Variants in KAZN observed in about 807,000 individuals in gnomAD.
KAZN encodes kazrin, periplakin interacting protein.
A neutral mutation model predicts 87.4 loss-of-function variants in KAZN; 40 were observed. That is an observed-to-expected ratio of 0.46 (90% CI 0.36 to 0.60). The LOEUF (loss-of-function observed/expected upper bound fraction) is 0.60. Ranked by LOEUF, KAZN falls within the 20% of genes least tolerant of loss-of-function variation. KAZN has a pLI of 0.00. For missense variants in KAZN, 898 were observed against 1,073.9 expected, an observed-to-expected ratio of 0.84 and a Z score of 2.29; for synonymous variants, 466 against 458.3, an observed-to-expected ratio of 1.02 and a Z score of -0.22.
At chr1:14,294,526 T>C (rs1653968265) in intron 2 of KAZN, among the ~76,000 whole-genome samples, 2 of 151,372 alleles carry the variant, frequency 1.3e-5, no homozygotes, top group South Asian at 4.2e-4. Flanking sequence ...ATCAGAGAGG[T>C]TTTGTGACTT....
Position 15,079,449 on chromosome 1 carries a change from A to ATT in KAZN, c.1222+13706_1222+13707dup, listed in dbSNP as rs1013634419. 3.4e-5 allele frequency among the ~76,000 whole-genome samples: 5 copies of ATT among 147,750 alleles called. No homozygotes were observed. In the East Asian group the frequency reaches 9.8e-4, roughly 29 times the overall value. ...TGTCACAATTCAATACTGTTGGCTT[A>ATT]TTTTTTTTTTTAGTGAAACCCAACA... On this transcript the variant is annotated intron_variant, in intron 8 of 14. Transcript: ENST00000376030.
chr1:13,947,737 T>G (rs12136764), intron 1 of KAZN, among the ~76,000 whole-genome samples: 21,120 of 152,106 alleles, frequency 0.14, 1,559 homozygotes, highest in Middle Eastern at 0.22. Flanking sequence ...CTTTTCTGAG[T>G]CCGTTCTCCT....
intron 1 of KAZN, among the ~76,000 whole-genome samples, chr1:14,863,026 C>T (rs1251469059): frequency 1.3e-5 from 2 of 152,084 alleles, no homozygotes; most frequent in Non-Finnish European, 2.9e-5. Context: ...CTGTTGCTCC[C>T]GTGGTTCCAT....
chr1:14,959,401 A>T (rs1360430456), intron 1 of KAZN, among the ~76,000 whole-genome samples: 1 of 151,428 alleles, frequency 6.6e-6, no homozygotes, highest in African/African-American at 2.4e-5. Context: ...TTGTAGAGAG[A>T]GGGACCAGTG....
intron 1 of KAZN, among the ~76,000 whole-genome samples, chr1:13,897,329 G>A (rs1464730373): frequency 6.6e-6 from 1 of 152,220 alleles, no homozygotes; most frequent in Non-Finnish European, 1.5e-5. Flanking sequence ...ACAGAATGGG[G>A]TTAGACAGAA....
At chr1:14,641,990 T>TA (rs748512504) in intron 1 of KAZN, among the ~76,000 whole-genome samples, 8 of 152,184 alleles carry the variant, frequency 5.3e-5, no homozygotes, top group Non-Finnish European at 7.3e-5. Context: ...AAGTCCATTT[T>TA]AAAAATTGGC....
intron 2 of KAZN, among the ~76,000 whole-genome samples, chr1:14,528,748 CAAA>C (rs36033087): frequency 6.0e-5 from 4 of 66,936 alleles, no homozygotes; most frequent in Admixed American, 1.8e-4. Flanking sequence ...GACCCTGTCT[CAAA>C]AAAAAAAAAA....
chr1:14,574,773 T>C (rs1675078339), intron 2 of KAZN, among the ~76,000 whole-genome samples: 1 of 152,186 alleles, frequency 6.6e-6, no homozygotes. Flanking sequence ...GGTCTCGTCC[T>C]GCCCTTGTGA....
At chr1:14,227,342 G>A (rs1009588179) in intron 2 of KAZN, among the ~76,000 whole-genome samples, 17 of 152,210 alleles carry the variant, frequency 1.1e-4, no homozygotes, top group South Asian at 4.1e-4. Context: ...TCTCTTCCCC[G>A]TGATGTCTGG....
chr1:14,298,450 T>C (rs994962125), intron 2 of KAZN, among the ~76,000 whole-genome samples: 1 of 152,248 alleles, frequency 6.6e-6, no homozygotes, highest in Non-Finnish European at 1.5e-5. Context: ...TTGACTTATG[T>C]TGAACACAAT....
chr1:15,065,255 C>T (rs758939889), intron 7 of KAZN, among the ~76,000 whole-genome samples: 38 of 151,986 alleles, frequency 2.5e-4, no homozygotes, highest in Non-Finnish European at 5.0e-4. Flanking sequence ...CTCGAACTCC[C>T]GACCCCAGGT....
intron 2 of KAZN, among the ~76,000 whole-genome samples, chr1:14,965,984 T>TTC (rs1322749741): frequency 6.8e-6 from 1 of 147,016 alleles, no homozygotes; most frequent in African/African-American, 2.5e-5. Context: ...TTCCTTTTCT[T>TTC]TTTTTTTTTT....
At chr1:14,894,204 C>A (rs1369841836) in intron 1 of KAZN, among the ~76,000 whole-genome samples, 1 of 152,170 alleles carries the variant, frequency 6.6e-6, no homozygotes, top group Non-Finnish European at 1.5e-5. Flanking sequence ...CCCATCTCCC[C>A]CGCTCCAGCC....
Position 14,217,587 on chromosome 1 carries a change from A to G in KAZN, c.249+36995A>G, listed in dbSNP as rs143412941. On this transcript the variant is annotated intron_variant, in intron 2 of 16. Coordinates refer to the KAZN transcript ENST00000636203. ...CAGTCAAAGGAGATCCAACATACGT[A>G]TAATAAGGGCTCCAAAGAAAATCAA... Among the ~76,000 whole-genome samples, 7 of 152,202 alleles carry G rather than the reference A, an allele frequency of 4.6e-5. No individual in the cohort carries two copies. The East Asian group carries it at 1.4e-3, about 29-fold the overall frequency.
At chr1:14,629,321 C>G (rs1387932549) in intron 1 of KAZN, among the ~76,000 whole-genome samples, 1 of 152,204 alleles carries the variant, frequency 6.6e-6, no homozygotes, top group Non-Finnish European at 1.5e-5. Context: ...TTGTGAACAT[C>G]AGTTTGCCAT....
intron 1 of KAZN, among the ~76,000 whole-genome samples, chr1:14,833,968 T>C (rs1235774390): frequency 1.0e-5 from 1 of 100,070 alleles, no homozygotes; most frequent in African/African-American, 4.0e-5. Flanking sequence ...TCCCAAGTCA[T>C]TCACACACAC....
intron 2 of KAZN, among the ~76,000 whole-genome samples, chr1:14,489,736 AAATAAT>A (rs57610968): frequency 0.15 from 21,504 of 144,406 alleles, 1,958 homozygotes; most frequent in East Asian, 0.39. Flanking sequence ...TCTGTCTTAA[AAATAAT>A]AATAATAATA....
intron 2 of KAZN, among the ~76,000 whole-genome samples, chr1:14,514,615 A>ATTTTATATGTATTT (rs1553182614): frequency 3.1e-5 from 1 of 32,778 alleles, no homozygotes; most frequent in Non-Finnish European, 6.6e-5. Context: ...ATATATATAT[A>ATTTTATATGTATTT]TATATATATA....
intron 2 of KAZN, among the ~76,000 whole-genome samples, chr1:14,589,340 A>G (rs1676049772): frequency 6.6e-6 from 1 of 151,952 alleles, no homozygotes; most frequent in East Asian, 2.0e-4. Context: ...GTAAAAAAAA[A>G]AAAAAGGGAG....
Sources: gnomAD v4.1 joint callset for allele counts (sites outside exome capture counted in the v4.1 genomes callset) on GRCh38, gnomAD v4.1.1 for gene constraint, MANE v1.5 for transcripts, NCBI Gene and HGNC (gene_info 2026-07-23, HGNC 2026-07-21) for gene names.